ATL1: variants seen among roughly 807,000 people sequenced by gnomAD.
The protein encoded by ATL1 is atlastin GTPase 1, also known as atlastin-1.
Under a neutral mutation model 75.5 loss-of-function variants are expected in ATL1, and 31 were observed. That is an observed-to-expected ratio of 0.41 (90% CI 0.31 to 0.55). ATL1 has a LOEUF of 0.55. ATL1 is among the 20% of genes least tolerant of loss of function. The pLI is 0.27. For missense variants in ATL1, 405 were observed against 662.6 expected (o/e 0.61, Z 4.27); for synonymous variants, 226 against 233.3 (o/e 0.97, Z 0.28).
chr14:50,631,640 A>C (rs2039582461), intron 13 of ATL1, among the ~76,000 whole-genome samples: 1 of 152,180 alleles, frequency 6.6e-6, no homozygotes, highest in Non-Finnish European at 1.5e-5. Context: ...TTAAATGAGG[A>C]AAGCTTGCTG....
chr14:50,562,051 T>C (rs1396827442), intron 1 of ATL1, among the ~76,000 whole-genome samples: 1 of 146,120 alleles, frequency 6.8e-6, no homozygotes, highest in Non-Finnish European at 1.5e-5. Context: ...GGCTATAAAC[T>C]TTTTTTTTTT....
intron 1 of ATL1, among the ~76,000 whole-genome samples, chr14:50,547,875 T>G (rs1474039636): frequency 6.6e-6 from 1 of 152,224 alleles, no homozygotes; most frequent in Non-Finnish European, 1.5e-5. Flanking sequence ...TAATGGACTT[T>G]CCAGGTACTA....
In ATL1 at chr14:50,589,312, C is replaced by A. The variant is rs534385492; in HGVS notation, c.282+1234C>A. Among the ~76,000 whole-genome samples, 5 of 152,104 alleles carry A rather than the reference C, an allele frequency of 3.3e-5. No individual in the cohort carries two copies. The East Asian group carries it at 7.7e-4, about 23-fold the overall frequency. On this transcript the variant is annotated intron_variant, in intron 2 of 13. Transcript: ENST00000358385. ...TAGCTGGGATTACAAGCATGCGCCACCACATCTGGATAATTTTTTGTATTT... is the reference window on the plus strand; with the variant it reads ...TAGCTGGGATTACAAGCATGCGCCAACACATCTGGATAATTTTTTGTATTT...
intron 1 of ATL1, among the ~76,000 whole-genome samples, chr14:50,587,335 G>A (rs1253309634): frequency 1.3e-5 from 2 of 152,216 alleles, no homozygotes; most frequent in African/African-American, 2.4e-5. Flanking sequence ...AAGAACAAAT[G>A]TAAGTCCTCC....
chr14:50,574,639 C>T (rs1202965383), intron 1 of ATL1, among the ~76,000 whole-genome samples: 2 of 151,950 alleles, frequency 1.3e-5, no homozygotes, highest in Admixed American at 1.3e-4. Flanking sequence ...GGAATTGTGC[C>T]TTCCATCTGT....
intron 11 of ATL1, among the ~76,000 whole-genome samples, chr14:50,627,353 C>A (rs534566195): frequency 6.6e-6 from 1 of 152,264 alleles, no homozygotes; most frequent in East Asian, 1.9e-4. Flanking sequence ...TAAAAAAAAT[C>A]ATGTGACTTG....
intron 6 of ATL1, among the ~76,000 whole-genome samples, chr14:50,609,195 C>T (rs2039341065): frequency 6.6e-6 from 1 of 151,950 alleles, no homozygotes; most frequent in South Asian, 2.1e-4. Flanking sequence ...GCAAAATCTA[C>T]TAAAGAATGA....
intron 9 of ATL1, 71 bp from the exon 10 acceptor site, chr14:50,621,772 T>G: frequency 1.1e-6 from 1 of 933,942 alleles, no homozygotes; most frequent in South Asian, 1.4e-5. Flanking sequence ...GAACTTAGAA[T>G]GCAATTTCAT....
intron 1 of ATL1, chr14:50,571,981 G>A: frequency 6.5e-6 from 3 of 459,528 alleles, no homozygotes; most frequent in Non-Finnish European, 1.2e-5. Context: ...ATATTGTTTT[G>A]TTGCCCGCTA....
At chr14:50,604,298 C>T (rs2039297089) in intron 6 of ATL1, among the ~76,000 whole-genome samples, 1 of 152,074 alleles carries the variant, frequency 6.6e-6, no homozygotes, top group Admixed American at 6.6e-5. Flanking sequence ...CTATCTTAAT[C>T]TGAGCCACTT....
Position 50,588,019 on chromosome 14 carries a change from G to C in ATL1, c.223G>C (p.Ala75Pro). The change falls in exon 2 of 14, where the codon GCA (alanine) becomes CCA (proline). Residue 75 changes from alanine to proline, a missense_variant. Physicochemically the swap from Ala to Pro is conservative, Grantham distance 27. This residue lies in a region of ATL1 where 126 missense variants were observed against 172.0 expected (regional missense o/e 0.73). Coordinates refer to ENST00000358385, the MANE Select transcript of ATL1 (RefSeq NM_015915.5). ...GGTTGTTGCTGTATCTGTTGCTGGAGCATTTAGAAAAGGAAAATCATTCCT... is the reference window on the plus strand; with the variant it reads ...GGTTGTTGCTGTATCTGTTGCTGGACCATTTAGAAAAGGAAAATCATTCCT... The part of the protein sequence containing the change: ...KEVVAVSVAG[A>P]FRKGKSFLMD... 1 of 1,614,172 alleles carries C rather than the reference G, an allele frequency of 6.2e-7. No homozygotes were observed. Among genetic ancestry groups the C allele is most frequent in the Non-Finnish European group, 8.5e-7 (1 of 1,180,032 alleles).
chr14:50,552,180 T>C (rs2038711131), intron 1 of ATL1, among the ~76,000 whole-genome samples: 1 of 152,178 alleles, frequency 6.6e-6, no homozygotes, highest in Non-Finnish European at 1.5e-5. Flanking sequence ...ACAAAATCAA[T>C]GTACACAAAT....
At chr14:50,612,303 TTC>T (rs1410123581) in intron 6 of ATL1, among the ~76,000 whole-genome samples, 2 of 152,104 alleles carry the variant, frequency 1.3e-5, no homozygotes, top group Non-Finnish European at 2.9e-5. Flanking sequence ...GTGCTGGATA[TTC>T]TCTGTTTCTT....
chr14:50,591,212 G>T, intron 3 of ATL1, 137 bp downstream of exon 3: 2 of 841,910 alleles, frequency 2.4e-6, no homozygotes, highest in Non-Finnish European at 3.7e-6. Context: ...GCATCCTATA[G>T]CATGATCTTT....
intron 4 of ATL1, among the ~76,000 whole-genome samples, chr14:50,592,229 G>A (rs1344827363): frequency 6.6e-6 from 1 of 151,836 alleles, no homozygotes; most frequent in Admixed American, 6.6e-5. Flanking sequence ...AGTTTTATTA[G>A]AACCATAGAA....
chr14:50,536,760 C>G (rs1396917673), intron 1 of ATL1, among the ~76,000 whole-genome samples: 2 of 152,096 alleles, frequency 1.3e-5, no homozygotes, highest in East Asian at 3.9e-4. Flanking sequence ...TTGCCCCTGC[C>G]CTAGAGGTTT....
At chr14:50,548,683 T>G (rs2038664687) in intron 1 of ATL1, among the ~76,000 whole-genome samples, 1 of 152,046 alleles carries the variant, frequency 6.6e-6, no homozygotes, top group Non-Finnish European at 1.5e-5. Flanking sequence ...CTAATTTTTT[T>G]GTATTTTTAG....
chr14:50,534,542 A>G (rs1435956081), intron 1 of ATL1, among the ~76,000 whole-genome samples: 2 of 152,262 alleles, frequency 1.3e-5, no homozygotes, highest in Non-Finnish European at 2.9e-5. Flanking sequence ...AAAATGAATT[A>G]GGCAGTGAAA....
chr14:50,617,609 GCATA>G (rs1419542426), intron 8 of ATL1, among the ~76,000 whole-genome samples: 1 of 152,134 alleles, frequency 6.6e-6, no homozygotes, highest in Non-Finnish European at 1.5e-5. Context: ...TTCTTATAAA[GCATA>G]CATCGTATTC....
Sources: gnomAD v4.1 joint callset for allele counts (sites outside exome capture counted in the v4.1 genomes callset) on GRCh38, gnomAD v4.1.1 for gene constraint, gnomAD v4.1.1 regional missense constraint, MANE v1.5 for transcripts, NCBI Gene and HGNC (gene_info 2026-07-23, HGNC 2026-07-21) for gene names.